Variants in PYHIN1 observed in about 807,000 individuals in gnomAD.
PYHIN1 encodes the protein pyrin and HIN domain-containing protein 1.
PYHIN1 carries 32 observed loss-of-function variants against 43.7 expected under a neutral mutation model. The observed-to-expected ratio is 0.73, with a 90% confidence interval of 0.55 to 0.98. The LOEUF is 0.98. Ranked by LOEUF, PYHIN1 falls within the 50% of genes least tolerant of loss-of-function variation. The probability of loss-of-function intolerance (pLI) is 0.00; values close to 1 mark genes in which losing one functional copy is unlikely to be tolerated. For synonymous variants in PYHIN1, 205 were observed against 203.1 expected (o/e 1.01, Z -0.08); for missense variants, 588 against 589.5 (o/e 1.00, Z 0.03).
chr1:158,988,741 A>G, the PYHIN1 span, among the ~76,000 whole-genome samples: 1 of 152,230 alleles, frequency 6.6e-6, no homozygotes, highest in Admixed American at 6.5e-5. Flanking sequence ...TGTTTAAAAT[A>G]AAATGAGGAG....
In PYHIN1 at chr1:158,942,283, C is replaced by T. The variant is rs150672460; in HGVS notation, c.886C>T (p.Gln296Ter). 5.6e-6 allele frequency: 9 copies of T among 1,613,882 alleles called. No individual in the cohort carries two copies. Among genetic ancestry groups the T allele is most frequent in the Non-Finnish European group, 7.6e-6 (9 of 1,179,964 alleles). ...ASSVSEAGPD[Q>*]TFEVPKDIIR... The stretch of plus-strand genomic sequence containing the variant: ...TTCTGTATCTGAAGCTGGTCCTGAC[C>T]AAACGTTTGAGGTTCCAAAGGACAT... Residue 296 changes from glutamine (Q) to a stop codon, truncating the protein, a stop_gained, in exon 5 of 9, where the codon CAA becomes TAA. Coordinates refer to ENST00000368140, the MANE Select transcript of PYHIN1 (RefSeq NM_152501.5). LOFTEE classifies it high-confidence loss of function.
chr1:158,966,223 A>G (rs1650624213), intron 7 of PYHIN1, among the ~76,000 whole-genome samples: 1 of 152,054 alleles, frequency 6.6e-6, no homozygotes, highest in Non-Finnish European at 1.5e-5. Flanking sequence ...CTGAAATTGA[A>G]TCAGTAAGAA....
At chr1:158,953,957 G>T (rs1649756879) in intron 7 of PYHIN1, among the ~76,000 whole-genome samples, 1 of 131,514 alleles carries the variant, frequency 7.6e-6, no homozygotes, top group African/African-American at 2.9e-5. Context: ...GAAGAATGCA[G>T]AAGCCTCAGG....
the PYHIN1 span, among the ~76,000 whole-genome samples, chr1:158,988,733 T>A: frequency 6.6e-6 from 1 of 152,196 alleles, no homozygotes; most frequent in Admixed American, 6.5e-5. Context: ...CTTCTTACTG[T>A]TTAAAATAAA....
At chr1:158,956,326 T>G (rs1249482515) in intron 7 of PYHIN1, among the ~76,000 whole-genome samples, 2 of 152,296 alleles carry the variant, frequency 1.3e-5, no homozygotes, top group African/African-American at 2.4e-5. Context: ...ACCAATATCC[T>G]TGATGAACAT....
the PYHIN1 span, among the ~76,000 whole-genome samples, chr1:158,986,369 T>C: frequency 2.6e-5 from 4 of 152,142 alleles, no homozygotes; most frequent in African/African-American, 7.2e-5. Context: ...ATTTCATGGG[T>C]CCAAGGATCA....
chr1:158,951,339 C>T (rs1453853672), intron 7 of PYHIN1, among the ~76,000 whole-genome samples: 2 of 151,862 alleles, frequency 1.3e-5, no homozygotes, highest in Non-Finnish European at 2.9e-5. Flanking sequence ...AGGATGTGTA[C>T]GTTGATCTAG....
intron 1 of PYHIN1, 78 bp from the exon 2 acceptor site, chr1:158,936,813 C>T: frequency 1.1e-6 from 1 of 937,036 alleles, no homozygotes; most frequent in South Asian, 2.7e-5. Flanking sequence ...TTATGGGCCA[C>T]TTATTCACAT....
At chr1:158,989,798 T>C in the PYHIN1 span, among the ~76,000 whole-genome samples, 1 of 152,166 alleles carries the variant, frequency 6.6e-6, no homozygotes, top group Non-Finnish European at 1.5e-5. Flanking sequence ...ACAGCAACCC[T>C]TTAAAACTAA....
intron 5 of PYHIN1, 102 bp downstream of exon 5, chr1:158,942,501 C>A: frequency 1.1e-6 from 1 of 893,838 alleles, no homozygotes; most frequent in Non-Finnish European, 1.7e-6. Context: ...AACATTAAAA[C>A]TCAGGACTCT....
At chr1:158,961,921 T>C (rs1650344694) in intron 7 of PYHIN1, among the ~76,000 whole-genome samples, 1 of 152,104 alleles carries the variant, frequency 6.6e-6, no homozygotes, top group Admixed American at 6.5e-5. Flanking sequence ...AGCACTGGAC[T>C]CTAAGCCTCG....
intron 8 of PYHIN1, among the ~76,000 whole-genome samples, chr1:158,975,328 A>G (rs956036595): frequency 1.3e-5 from 2 of 152,058 alleles, no homozygotes; most frequent in African/African-American, 4.8e-5. Flanking sequence ...ATCTTTTGTC[A>G]TGACTCTCCT....
rs751320259 is a variant in PYHIN1, at chr1:158,937,100, A to C, written c.190A>C (p.Lys64Gln). 2.5e-5 allele frequency: 40 copies of C among 1,613,366 alleles called. No individual in the cohort carries two copies. Among genetic ancestry groups the C allele is most frequent in the Non-Finnish European group, 3.4e-5 (40 of 1,179,812 alleles). ...EKFPGDAGLGKLIEFFKEIPT... is the reference protein window; with the variant it reads ...EKFPGDAGLGQLIEFFKEIPT... ...GTTCCCAGGTGATGCCGGTTTGGGC[A>C]AACTAATAGAATTCTTCAAAGAAAT... Residue 64 changes from lysine (K) to glutamine (Q), a missense_variant, in exon 2 of 9, where the codon AAA becomes CAA. Coordinates refer to ENST00000368140, the MANE Select transcript of PYHIN1 (RefSeq NM_152501.5).
chr1:158,973,588 A>T, intron 7 of PYHIN1, 59 bp from the exon 8 acceptor site: 1 of 1,595,764 alleles, frequency 6.3e-7, no homozygotes, highest in Non-Finnish European at 8.6e-7. Flanking sequence ...TTAAGCAGAA[A>T]AAACCAGTTC....
At chr1:158,947,265 A>T (rs899029628) in intron 7 of PYHIN1, among the ~76,000 whole-genome samples, 4 of 152,162 alleles carry the variant, frequency 2.6e-5, no homozygotes, top group African/African-American at 2.4e-5. Flanking sequence ...CTGACTCAAG[A>T]GGATTACTGT....
intron 7 of PYHIN1, among the ~76,000 whole-genome samples, chr1:158,965,454 T>C (rs1650577817): frequency 6.6e-6 from 1 of 152,196 alleles, no homozygotes; most frequent in Admixed American, 6.5e-5. Context: ...TTCTTCTTAC[T>C]GCCACATAGC....
chr1:158,967,839 G>A (rs977827184), intron 7 of PYHIN1, among the ~76,000 whole-genome samples: 1 of 151,960 alleles, frequency 6.6e-6, no homozygotes. Flanking sequence ...GACAAGCAAT[G>A]GGATAAGGAC....
intron 4 of PYHIN1, chr1:158,939,902 C>T (rs1309761292): frequency 5.2e-6 from 1 of 191,798 alleles, no homozygotes; most frequent in Non-Finnish European, 1.1e-5. Flanking sequence ...GTGTCTGCCT[C>T]ATGGGAAGCT....
At chr1:158,934,527 GTATT>G (rs1478721349) in intron 1 of PYHIN1, among the ~76,000 whole-genome samples, 1 of 151,664 alleles carries the variant, frequency 6.6e-6, no homozygotes, top group Non-Finnish European at 1.5e-5. Flanking sequence ...GGCTTATGGA[GTATT>G]TATTTGTTTT....
Sources: allele counts gnomAD v4.1 joint callset (sites outside exome capture counted in the v4.1 genomes callset), GRCh38; gene constraint gnomAD v4.1.1; transcripts MANE v1.5; gene names NCBI Gene and HGNC (gene_info 2026-07-23, HGNC 2026-07-21).